RAD54L2: variants seen among roughly 807,000 people sequenced by gnomAD.
The protein encoded by RAD54L2 is helicase ARIP4.
RAD54L2 carries 27 observed loss-of-function variants against 138.4 expected under a neutral mutation model. The ratio of observed to expected loss-of-function variants is 0.20; its 90% CI spans 0.14 to 0.27. The LOEUF is 0.27. RAD54L2 is among the 10% of genes least tolerant of loss of function. The probability of loss-of-function intolerance (pLI) is 1.00; values close to 1 mark genes in which losing one functional copy is unlikely to be tolerated. For missense variants in RAD54L2, 1,396 were observed against 1,890.2 expected, an observed-to-expected ratio of 0.74 and a Z score of 4.85; for synonymous variants, 644 against 723.2, an observed-to-expected ratio of 0.89 and a Z score of 1.76.
chr3:51,561,432 G>T (rs552629897), intron 2 of RAD54L2, among the ~76,000 whole-genome samples: 1 of 152,234 alleles, frequency 6.6e-6, no homozygotes, highest in South Asian at 2.1e-4. Flanking sequence ...TTTTAGTAGA[G>T]ACGGGTTTCA....
chr3:51,589,858 C>T (rs1002284972), intron 2 of RAD54L2, among the ~76,000 whole-genome samples: 1 of 152,044 alleles, frequency 6.6e-6, no homozygotes, highest in African/African-American at 2.4e-5. Flanking sequence ...TCAAAATAGC[C>T]AAGAGATGTT....
intron 2 of RAD54L2, among the ~76,000 whole-genome samples, chr3:51,575,372 C>T (rs964958735): frequency 3.3e-5 from 5 of 151,982 alleles, no homozygotes; most frequent in Non-Finnish European, 7.4e-5. Flanking sequence ...TAGTTTTTTT[C>T]CAATTCTGTG....
At chr3:51,653,931 T>A (rs973946247) in intron 19 of RAD54L2, among the ~76,000 whole-genome samples, 2 of 152,156 alleles carry the variant, frequency 1.3e-5, no homozygotes, top group African/African-American at 2.4e-5. Context: ...TAAAGTATAA[T>A]AAAATTCAAA....
chr3:51,597,180 A>AC (rs1324401810), intron 3 of RAD54L2, among the ~76,000 whole-genome samples: 4 of 151,308 alleles, frequency 2.6e-5, no homozygotes, highest in African/African-American at 9.7e-5. Flanking sequence ...AAAAAAAAAA[A>AC]AAAAAAAAAC....
At chr3:51,624,381 C>T (rs1448862147) in intron 3 of RAD54L2, among the ~76,000 whole-genome samples, 2 of 151,884 alleles carry the variant, frequency 1.3e-5, no homozygotes, top group African/African-American at 4.8e-5. Context: ...GGACTACAAG[C>T]ACAAGTGCAT....
intron 3 of RAD54L2, among the ~76,000 whole-genome samples, chr3:51,594,040 CTTAA>C (rs1172157918): frequency 4.2e-5 from 6 of 144,462 alleles, no homozygotes; most frequent in Non-Finnish European, 9.1e-5. Context: ...CTTTATCATA[CTTAA>C]TTGTCTTTCT....
chr3:51,649,881 C>T (rs572036998), intron 19 of RAD54L2, among the ~76,000 whole-genome samples: 3 of 152,268 alleles, frequency 2.0e-5, no homozygotes, highest in African/African-American at 2.4e-5. Context: ...CATCAACTAA[C>T]GAGCAAAATA....
At chr3:51,648,150 C>T (rs1701333224) in intron 19 of RAD54L2, among the ~76,000 whole-genome samples, 1 of 152,228 alleles carries the variant, frequency 6.6e-6, no homozygotes, top group Admixed American at 6.5e-5. Context: ...TTATATCCCG[C>T]ACCTGTCTCA....
chr3:51,630,550 A>C (rs1422412794), intron 6 of RAD54L2, 155 bp from the exon 7 acceptor site: 6 of 978,058 alleles, frequency 6.1e-6, no homozygotes, highest in Non-Finnish European at 9.0e-6. Context: ...GCTTGTCTTA[A>C]CTTGAAGCTG....
intron 2 of RAD54L2, among the ~76,000 whole-genome samples, chr3:51,562,863 C>T (rs377249355): frequency 3.3e-5 from 5 of 152,126 alleles, no homozygotes; most frequent in African/African-American, 4.8e-5. Flanking sequence ...TGATCTCAAA[C>T]TCTTGGACTC....
intron 19 of RAD54L2, among the ~76,000 whole-genome samples, chr3:51,648,153 C>T (rs546212406): frequency 6.6e-6 from 1 of 152,368 alleles, no homozygotes; most frequent in South Asian, 2.1e-4. Context: ...TATCCCGCAC[C>T]TGTCTCAGTG....
At chr3:51,639,359 C>G in intron 12 of RAD54L2, 60 bp from the exon 13 acceptor site, 1 of 1,584,348 alleles carries the variant, frequency 6.3e-7, no homozygotes, top group Non-Finnish European at 8.6e-7. Context: ...TCCAGACTCC[C>G]TGGGACACCC....
intron 2 of RAD54L2, among the ~76,000 whole-genome samples, chr3:51,553,514 T>A (rs1698894538): frequency 6.6e-6 from 1 of 152,218 alleles, no homozygotes; most frequent in Non-Finnish European, 1.5e-5. Flanking sequence ...CATTTTTTGG[T>A]TTCCCAGTAC....
chr3:51,646,086 G>C (rs993697120), intron 18 of RAD54L2, among the ~76,000 whole-genome samples, 199 bp from the exon 19 acceptor site: 16 of 152,330 alleles, frequency 1.1e-4, no homozygotes, highest in Non-Finnish European at 2.4e-4. Flanking sequence ...AGGGAAGGCA[G>C]ACTTAGATGT....
Position 51,630,722 on chromosome 3 carries a change from T to C in RAD54L2, c.616T>C (p.Ser206Pro). Residue 206 changes from serine to proline, a missense_variant, in exon 7 of 23, where the codon TCT becomes CCT. Ser to Pro is a moderately conservative substitution (Grantham distance 74). Transcript: ENST00000684192. Reference sequence around the variant, plus strand: ...TGTCTCAGAGGTGATTGAACTGAGCTCTGGAGAGGAGGACACTCTGCACAT... The same window carrying C: ...TGTCTCAGAGGTGATTGAACTGAGCCCTGGAGAGGAGGACACTCTGCACAT... ...SSRDEVIELS[S>P]GEEDTLHIVD... 6.2e-7 allele frequency: 1 copy of C among 1,613,922 alleles called. No homozygotes were observed. Among genetic ancestry groups the C allele is most frequent in the Admixed American group, 1.7e-5 (1 of 60,002 alleles).
intron 2 of RAD54L2, among the ~76,000 whole-genome samples, chr3:51,567,907 G>A (rs552780274): frequency 1.2e-4 from 17 of 146,962 alleles, no homozygotes; most frequent in African/African-American, 4.3e-4. Flanking sequence ...GTGCCACTGC[G>A]CTTGAGCCTG....
At position 51,666,556 on chromosome 3, in the gene RAD54L2, T is replaced by C. The variant is rs913281609; in HGVS notation, c.*3136T>C. The C allele has an allele frequency of 9.2e-5, 14 of 152,214 alleles. No individual in the cohort carries two copies. The highest frequency in any genetic ancestry group is 3.4e-4 in the African/African-American group (14 of 41,444). The allele number at this position is 152,214 out of a possible 1,614,324, so 9.4% of individuals were successfully genotyped here. On this transcript the variant is annotated 3_prime_UTR_variant, in exon 23 of 23. Coordinates refer to ENST00000684192, the MANE Select transcript of RAD54L2 (RefSeq NM_015106.4). ...GTTCTCAGCCTGGGGAACACAGTAC[T>C]ACTTAATGATTGAGGTTTACCATTT... is the stretch of plus-strand genomic sequence containing the variant.
intron 9 of RAD54L2, among the ~76,000 whole-genome samples, chr3:51,634,326 C>G (rs1700923811): frequency 1.4e-5 from 2 of 146,766 alleles, no homozygotes; most frequent in African/African-American, 5.0e-5. Flanking sequence ...TAGTAAAATT[C>G]AACACGAAAC....
intron 3 of RAD54L2, among the ~76,000 whole-genome samples, chr3:51,593,877 T>A (rs984810865): frequency 4.6e-5 from 7 of 152,124 alleles, no homozygotes; most frequent in Non-Finnish European, 1.0e-4. Context: ...AATTTTCAGA[T>A]GTTTTTCTAC....
Sources: gnomAD v4.1 joint callset for allele counts (sites outside exome capture counted in the v4.1 genomes callset) on GRCh38, gnomAD v4.1.1 for gene constraint, MANE v1.5 for transcripts, NCBI Gene and HGNC (gene_info 2026-07-23, HGNC 2026-07-21) for gene names.